The following ZMAT4 variants were observed in gnomAD, a reference collection of about 807,000 sequenced individuals.
The protein encoded by ZMAT4 is zinc finger matrin-type protein 4.
In ZMAT4, 17 loss-of-function variants were observed where a neutral mutation model predicts 28.7. The ratio of observed to expected loss-of-function variants is 0.59; its 90% CI spans 0.41 to 0.89. The LOEUF (loss-of-function observed/expected upper bound fraction) is 0.89. Among genes scored for constraint, ZMAT4 ranks in the 40% least tolerant of loss-of-function variants. The pLI, the probability that ZMAT4 is intolerant of heterozygous loss-of-function variation, is 0.00. For missense variants in ZMAT4, 240 were observed against 283.8 expected (o/e 0.85, Z 1.11); for synonymous variants, 117 against 109.2 (o/e 1.07, Z -0.44).
intron 2 of ZMAT4, among the ~76,000 whole-genome samples, chr8:40,788,562 G>C (rs968522385): frequency 6.6e-6 from 1 of 152,094 alleles, no homozygotes; most frequent in Non-Finnish European, 1.5e-5. Context: ...AATCTCAGCT[G>C]GGTGACAGAA....
chr8:40,886,891 G>T (rs1818468761), intron 1 of ZMAT4, among the ~76,000 whole-genome samples: 2 of 152,178 alleles, frequency 1.3e-5, no homozygotes, highest in African/African-American at 4.8e-5. Context: ...CAGTTTTGAG[G>T]TAGGGCGCAG....
intron 2 of ZMAT4, among the ~76,000 whole-genome samples, chr8:40,781,789 A>AAC (rs1813845901): frequency 6.8e-6 from 1 of 147,848 alleles, no homozygotes; most frequent in African/African-American, 2.5e-5. Context: ...AAAAAAAAAA[A>AAC]AAGAAAAGAA....
intron 3 of ZMAT4, among the ~76,000 whole-genome samples, chr8:40,746,152 C>T (rs994970295): frequency 1.6e-4 from 24 of 152,046 alleles, no homozygotes; most frequent in African/African-American, 5.8e-4. Context: ...CTCTGAGCTC[C>T]GCAGAGGAAC....
At chr8:40,624,168 T>C (rs1806293168) in intron 5 of ZMAT4, among the ~76,000 whole-genome samples, 1 of 152,194 alleles carries the variant, frequency 6.6e-6, no homozygotes, top group Admixed American at 6.5e-5. Flanking sequence ...TATTTGGAGA[T>C]AGTCTTTAGG....
chr8:40,621,560 T>G (rs1210234410), intron 5 of ZMAT4, among the ~76,000 whole-genome samples: 2 of 152,202 alleles, frequency 1.3e-5, no homozygotes, highest in East Asian at 3.8e-4. Context: ...GGCTGGGAAT[T>G]TCAAGCGCAA....
chr8:40,763,531 A>C (rs1254388619), intron 3 of ZMAT4, among the ~76,000 whole-genome samples: 1 of 152,180 alleles, frequency 6.6e-6, no homozygotes, highest in Non-Finnish European at 1.5e-5. Flanking sequence ...TGCCCAGAAC[A>C]ACAATGCTCC....
intron 2 of ZMAT4, among the ~76,000 whole-genome samples, chr8:40,823,260 C>A (rs1384805722): frequency 6.6e-6 from 1 of 151,868 alleles, no homozygotes; most frequent in Non-Finnish European, 1.5e-5. Flanking sequence ...TACAAATGAA[C>A]ACAAAAAGTC....
chr8:40,729,735 A>G (rs1224024426), intron 3 of ZMAT4, among the ~76,000 whole-genome samples: 2 of 151,966 alleles, frequency 1.3e-5, no homozygotes, highest in Non-Finnish European at 2.9e-5. Context: ...AGTAACTGAG[A>G]CTACAGGCAC....
At chr8:40,874,782 T>C (rs767722125) in intron 1 of ZMAT4, among the ~76,000 whole-genome samples, 4 of 152,236 alleles carry the variant, frequency 2.6e-5, no homozygotes, top group Non-Finnish European at 5.9e-5. Context: ...AGCCCTTTCC[T>C]AATTATAACT....
chr8:40,836,036 A>G (rs1406949178), intron 1 of ZMAT4, among the ~76,000 whole-genome samples: 1 of 152,224 alleles, frequency 6.6e-6, no homozygotes, highest in Admixed American at 6.5e-5. Flanking sequence ...GTTTCTCCCT[A>G]CAAATCTCTA....
At position 40,618,669 on chromosome 8, in the gene ZMAT4, A is replaced by AG. The variant is rs934152558; in HGVS notation, c.578-37409_578-37408insC. ...GTTTTTCTACCACTAGAAAAAAAAA[A>AG]AAAAGAAATGACTGGTTTCCCAGGT... On this transcript the variant is annotated intron_variant, in intron 5 of 6. Transcript: ENST00000297737. Among the ~76,000 whole-genome samples the AG allele has an allele frequency of 2.4e-4, 36 of 151,818 alleles. No homozygotes were observed. In the South Asian group the frequency reaches 2.5e-3, roughly 11 times the overall value.
chr8:40,696,659 G>A (rs1809900306), intron 4 of ZMAT4, among the ~76,000 whole-genome samples: 1 of 152,122 alleles, frequency 6.6e-6, no homozygotes, highest in Non-Finnish European at 1.5e-5. Context: ...AAGTTAATAG[G>A]CTTGAATCAC....
intron 3 of ZMAT4, among the ~76,000 whole-genome samples, chr8:40,728,563 A>C (rs1479856562): frequency 1.3e-5 from 2 of 152,248 alleles, no homozygotes; most frequent in African/African-American, 4.8e-5. Context: ...CACCAGAAGC[A>C]CAACAATCAA....
At chr8:40,830,940 T>C (rs1816258478) in intron 1 of ZMAT4, among the ~76,000 whole-genome samples, 1 of 152,130 alleles carries the variant, frequency 6.6e-6, no homozygotes, top group South Asian at 2.1e-4. Flanking sequence ...ATAATGTAGA[T>C]AAACCATCTA....
intron 1 of ZMAT4, among the ~76,000 whole-genome samples, chr8:40,879,094 C>CAGTGGG: frequency 6.6e-6 from 1 of 152,162 alleles, no homozygotes; most frequent in Non-Finnish European, 1.5e-5. Context: ...GATGCTGTCT[C>CAGTGGG]CACAGCACAC....
Position 40,585,026 on chromosome 8 carries a change from G to C in ZMAT4, c.578-3765C>G, listed in dbSNP as rs111307804. On this transcript the variant is annotated intron_variant, in intron 5 of 6. Coordinates refer to ENST00000297737, the MANE Select transcript of ZMAT4 (RefSeq NM_024645.3). ...TGCCCACATCTACAATCTGAACAAA[G>C]AGTAGAGTTTCCTGGAGGCGTTCAC... Among the ~76,000 whole-genome samples, 275 of 152,264 alleles carry C rather than the reference G, an allele frequency of 1.8e-3. 2 individuals carry two copies. Among genetic ancestry groups the C allele is most frequent in the African/African-American group, 6.4e-3 (267 of 41,568 alleles).
intron 3 of ZMAT4, among the ~76,000 whole-genome samples, chr8:40,706,798 GC>G (rs1810373593): frequency 6.6e-6 from 1 of 152,030 alleles, no homozygotes; most frequent in Non-Finnish European, 1.5e-5. Context: ...AAAATCCTCT[GC>G]TCCTCATCTC....
chr8:40,792,495 G>A (rs139723851), intron 2 of ZMAT4, among the ~76,000 whole-genome samples: 497 of 11,588 alleles, frequency 0.043, 7 homozygotes, highest in South Asian at 0.071. Context: ...AAGGAAGGAA[G>A]GAAGGAAGGA....
intron 2 of ZMAT4, among the ~76,000 whole-genome samples, chr8:40,788,782 CA>C (rs1554557169): frequency 6.6e-6 from 1 of 150,662 alleles, no homozygotes; most frequent in Non-Finnish European, 1.5e-5. Context: ...AAAAAAAACA[CA>C]AACTGATATC....
Sources: allele counts gnomAD v4.1 joint callset (sites outside exome capture counted in the v4.1 genomes callset), GRCh38; gene constraint gnomAD v4.1.1; transcripts MANE v1.5; gene names NCBI Gene and HGNC (gene_info 2026-07-23, HGNC 2026-07-21).